The following PTPRD variants were observed in gnomAD, a reference collection of about 807,000 sequenced individuals.
The protein encoded by PTPRD is protein tyrosine phosphatase receptor type D, also known as receptor-type tyrosine-protein phosphatase delta.
In PTPRD, 34 loss-of-function variants were observed where a neutral mutation model predicts 214.5. The observed-to-expected ratio is 0.16, with a 90% CI of 0.12 to 0.21. The LOEUF (loss-of-function observed/expected upper bound fraction) is 0.21, where lower values mean the gene tolerates loss of function less well. Ranked by LOEUF, PTPRD falls within the 10% of genes least tolerant of loss-of-function variation. The pLI is 1.00. For missense variants in PTPRD, 2,545 were observed against 2,398.7 expected (o/e 1.06, Z -1.27); for synonymous variants, 1,128 against 845.7 (o/e 1.33, Z -5.79).
chr9:8,493,111 C>T, intron 26 of PTPRD, 132 bp from the exon 27 acceptor site: 1 of 695,732 alleles, frequency 1.4e-6, no homozygotes, highest in South Asian at 1.9e-5. Context: ...CTGGAAATTT[C>T]ATGCCTGAGC....
At chr9:10,442,659 AG>A (rs1397644907) in intron 2 of PTPRD, among the ~76,000 whole-genome samples, 1 of 151,602 alleles carries the variant, frequency 6.6e-6, no homozygotes, top group African/African-American at 2.4e-5. Context: ...AGTTCTTGCA[AG>A]AAATGTTCAT....
At chr9:8,778,258 T>G (rs560886929) in intron 11 of PTPRD, among the ~76,000 whole-genome samples, 2 of 152,352 alleles carry the variant, frequency 1.3e-5, no homozygotes, top group East Asian at 3.9e-4. Context: ...GAGCCAAAAT[T>G]AGTAATAAAG....
chr9:9,015,107 T>C (rs1349206974), intron 11 of PTPRD, among the ~76,000 whole-genome samples: 2 of 152,056 alleles, frequency 1.3e-5, no homozygotes, highest in Non-Finnish European at 2.9e-5. Flanking sequence ...ATTAACTAGA[T>C]AGCTTTTAAA....
At chr9:9,809,108 A>G (rs1016717969) in intron 5 of PTPRD, among the ~76,000 whole-genome samples, 1 of 151,762 alleles carries the variant, frequency 6.6e-6, no homozygotes, top group East Asian at 1.9e-4. Flanking sequence ...TTAATCCCCA[A>G]CTATGTGGCC....
chr9:8,953,920 C>T (rs146032732), intron 11 of PTPRD, among the ~76,000 whole-genome samples: 183 of 151,928 alleles, frequency 1.2e-3, no homozygotes, highest in African/African-American at 4.1e-3. Flanking sequence ...CCTGCCACTG[C>T]GGAAAGCAGT....
At chr9:10,231,989 A>AGAGTGTGTGTGTGTGT (rs1245284728) in intron 3 of PTPRD, among the ~76,000 whole-genome samples, 13 of 92,434 alleles carry the variant, frequency 1.4e-4, no homozygotes, top group African/African-American at 2.6e-4. Context: ...AGAGAGAGAG[A>AGAGTGTGTGTGTGTGT]GTGTGTGTGT....
intron 3 of PTPRD, among the ~76,000 whole-genome samples, chr9:10,108,161 GTTTTC>G (rs2098653613): frequency 6.6e-6 from 1 of 151,854 alleles, no homozygotes; most frequent in Non-Finnish European, 1.5e-5. Context: ...TTGTTATATT[GTTTTC>G]TTTTCTTTTG....
chr9:8,426,400 C>T (rs1053123534), intron 35 of PTPRD, among the ~76,000 whole-genome samples: 6 of 152,170 alleles, frequency 3.9e-5, no homozygotes, highest in Admixed American at 6.5e-5. Context: ...CTTAGCATTC[C>T]GGTGCTAAAA....
intron 9 of PTPRD, among the ~76,000 whole-genome samples, chr9:9,225,951 C>G (rs2133597892): frequency 6.6e-6 from 1 of 152,024 alleles, no homozygotes; most frequent in Middle Eastern, 3.4e-3. Flanking sequence ...AGCAGGAACT[C>G]CTAATATATT....
At chr9:10,494,507 GT>G (rs1186508905) in intron 2 of PTPRD, among the ~76,000 whole-genome samples, 1 of 151,502 alleles carries the variant, frequency 6.6e-6, no homozygotes, top group Non-Finnish European at 1.5e-5. Context: ...AGGAAATTGA[GT>G]TTCAAGAGGT....
chr9:9,150,649 T>C (rs1271623106), intron 10 of PTPRD, among the ~76,000 whole-genome samples: 1 of 151,868 alleles, frequency 6.6e-6, no homozygotes, highest in Non-Finnish European at 1.5e-5. Context: ...CAGCTAATTT[T>C]TGTATTTTCA....
At chr9:8,660,688 C>CTTGG (rs2097024625) in intron 12 of PTPRD, among the ~76,000 whole-genome samples, 5 of 152,128 alleles carry the variant, frequency 3.3e-5, no homozygotes, top group Non-Finnish European at 7.3e-5. Flanking sequence ...ACTTCACATA[C>CTTGG]TCTGCATTTG....
intron 11 of PTPRD, among the ~76,000 whole-genome samples, chr9:8,948,916 G>A (rs1169139004): frequency 1.3e-5 from 2 of 151,698 alleles, no homozygotes; most frequent in Non-Finnish European, 1.5e-5. Flanking sequence ...GTCTGAACAC[G>A]GTTGTAAGAA....
chr9:9,444,381 C>T (rs543011558), intron 8 of PTPRD, among the ~76,000 whole-genome samples: 5 of 152,264 alleles, frequency 3.3e-5, no homozygotes, highest in East Asian at 1.9e-4. Flanking sequence ...GTAAATCCTT[C>T]AAACAATAAT....
chr9:10,231,933 T>C (rs1208304020), intron 3 of PTPRD, among the ~76,000 whole-genome samples: 1 of 148,666 alleles, frequency 6.7e-6, no homozygotes, highest in Non-Finnish European at 1.5e-5. Flanking sequence ...CCCAAGACTG[T>C]ATTAGTTCTC....
intron 11 of PTPRD, among the ~76,000 whole-genome samples, chr9:8,746,935 T>A (rs1598587549): frequency 6.6e-6 from 1 of 152,090 alleles, no homozygotes. Flanking sequence ...CTAAAATGAG[T>A]AGGAATAGGT....
intron 23 of PTPRD, among the ~76,000 whole-genome samples, chr9:8,503,039 T>C (rs1002929837): frequency 6.6e-6 from 1 of 152,074 alleles, no homozygotes; most frequent in East Asian, 1.9e-4. Context: ...TTAATTTACA[T>C]GCTTACGCCT....
chr9:8,419,132 A>G (rs10815865), intron 35 of PTPRD, among the ~76,000 whole-genome samples: 45,976 of 151,350 alleles, frequency 0.3, 7,368 homozygotes, highest in Non-Finnish European at 0.36. Flanking sequence ...GAGGCAGGAG[A>G]ATAGTTTGAG....
chr9:9,741,614 A>T (rs540281249), intron 6 of PTPRD, among the ~76,000 whole-genome samples: 1 of 152,036 alleles, frequency 6.6e-6, no homozygotes, highest in Non-Finnish European at 1.5e-5. Flanking sequence ...TAGTCCCCCA[A>T]ACCCTGACAG....
Sources: gnomAD v4.1 joint callset for allele counts (sites outside exome capture counted in the v4.1 genomes callset) on GRCh38, gnomAD v4.1.1 for gene constraint, MANE v1.5 for transcripts, NCBI Gene and HGNC (gene_info 2026-07-23, HGNC 2026-07-21) for gene names.